RORB: variants seen among roughly 807,000 people sequenced by gnomAD.
The protein encoded by RORB is RAR related orphan receptor B.
RORB carries 6 observed loss-of-function variants against 59.1 expected under a neutral mutation model. The ratio of observed to expected loss-of-function variants is 0.10; its 90% CI spans 0.06 to 0.20. The LOEUF is 0.20. RORB is among the 10% of genes least tolerant of loss of function. The probability of loss-of-function intolerance (pLI) is 1.00; values close to 1 mark genes in which losing one functional copy is unlikely to be tolerated. For missense variants in RORB, 320 were observed against 560.5 expected (o/e 0.57, Z 4.33); for synonymous variants, 215 against 204.5 (o/e 1.05, Z -0.44).
At chr9:74,613,725 C>T (rs1823268187) in intron 1 of RORB, among the ~76,000 whole-genome samples, 1 of 152,142 alleles carries the variant, frequency 6.6e-6, no homozygotes, top group African/African-American at 2.4e-5. Context: ...TCCTCTCCAC[C>T]CCTTGCCTTT....
intron 1 of RORB, among the ~76,000 whole-genome samples, chr9:74,507,281 G>A (rs998669437): frequency 1.3e-5 from 2 of 152,018 alleles, no homozygotes; most frequent in Non-Finnish European, 2.9e-5. Flanking sequence ...ATCATACTTA[G>A]TAAACAGTAA....
intron 4 of RORB, among the ~76,000 whole-genome samples, chr9:74,658,190 A>G (rs1251690161): frequency 6.6e-6 from 1 of 152,114 alleles, no homozygotes; most frequent in African/African-American, 2.4e-5. Flanking sequence ...GGTGTGGGAC[A>G]AACAGAGGGA....
rs75813271 is a variant in RORB, at chr9:74,517,886, C to A, written c.7+19903C>A. On this transcript the variant is annotated intron_variant, in intron 1 of 9. Transcript: ENST00000376896. ...GTGAAAGGCACTGTGCTAAATACTT[C>A]ATGTGAATTACCTCAGTTAATCATC... Among the ~76,000 whole-genome samples, 96 of 152,146 alleles carry A rather than the reference C, an allele frequency of 6.3e-4. No individual in the cohort carries two copies. In the East Asian group the frequency reaches 0.017, roughly 27 times the overall value.
chr9:74,607,181 C>T (rs971408265), intron 1 of RORB, among the ~76,000 whole-genome samples: 4 of 152,196 alleles, frequency 2.6e-5, no homozygotes, highest in Non-Finnish European at 5.9e-5. Flanking sequence ...AAGTCTTCAT[C>T]ACATATGGGC....
chr9:74,654,330 A>C (rs1824043080), intron 4 of RORB, among the ~76,000 whole-genome samples: 1 of 111,448 alleles, frequency 9.0e-6, no homozygotes, highest in South Asian at 3.7e-4. Flanking sequence ...TTACAGTCTC[A>C]GGGGAGAGAG....
chr9:74,503,729 T>A (rs1394247336), intron 1 of RORB, among the ~76,000 whole-genome samples: 3 of 152,074 alleles, frequency 2.0e-5, no homozygotes. Context: ...ATTTGAAGGA[T>A]GTCTCCTTTG....
chr9:74,613,828 C>G (rs762641977), intron 1 of RORB, among the ~76,000 whole-genome samples: 11 of 152,122 alleles, frequency 7.2e-5, no homozygotes, highest in Non-Finnish European at 1.5e-4. Flanking sequence ...ATTAACAAAC[C>G]ATTTGCTTTC....
intron 1 of RORB, among the ~76,000 whole-genome samples, chr9:74,543,089 C>T (rs2118138929): frequency 6.6e-6 from 1 of 152,240 alleles, no homozygotes; most frequent in East Asian, 1.9e-4. Flanking sequence ...TCTCACAGTC[C>T]CAGATCATGA....
At chr9:74,515,659 A>G (rs1452771016) in intron 1 of RORB, among the ~76,000 whole-genome samples, 6 of 152,076 alleles carry the variant, frequency 3.9e-5, no homozygotes, top group Admixed American at 6.6e-5. Context: ...AAAACCCACC[A>G]TTCCAAAATG....
chr9:74,503,893 C>T (rs967947944), intron 1 of RORB, among the ~76,000 whole-genome samples: 2 of 152,024 alleles, frequency 1.3e-5, no homozygotes, highest in African/African-American at 4.8e-5. Context: ...CTGACCCCAT[C>T]CATTCAATTC....
At chr9:74,529,568 A>T (rs1826204885) in intron 1 of RORB, among the ~76,000 whole-genome samples, 1 of 151,822 alleles carries the variant, frequency 6.6e-6, no homozygotes, top group South Asian at 2.1e-4. Flanking sequence ...AAAATAGTAA[A>T]ATATACTATT....
chr9:74,578,855 C>T (rs1004016880), intron 1 of RORB, among the ~76,000 whole-genome samples: 3 of 152,058 alleles, frequency 2.0e-5, no homozygotes, highest in African/African-American at 7.2e-5. Context: ...TTCTGATTGC[C>T]AGTCAGGTAC....
At chr9:74,656,891 C>G (rs1033720729) in intron 4 of RORB, among the ~76,000 whole-genome samples, 1 of 152,136 alleles carries the variant, frequency 6.6e-6, no homozygotes. Context: ...CTCAGACATC[C>G]CTACTTCAGT....
In RORB at chr9:74,642,822, G is replaced by A. The variant is rs1441537636; in HGVS notation, c.637+7G>A. The A allele has an allele frequency of 5.1e-6, 8 of 1,573,106 alleles. No homozygotes were observed. The highest frequency in any genetic ancestry group is 6.9e-6 in the Non-Finnish European group (8 of 1,155,446). On this transcript the variant is annotated splice_region_variant and intron_variant, in intron 4 of 9. Coordinates refer to ENST00000376896, the MANE Select transcript of RORB (RefSeq NM_006914.4). ...ATAACCATGACTGAAATCGGTAAGT[G>A]GAAGTCTCCTCCCAGTGGCTTTTTT... is the stretch of plus-strand genomic sequence containing the variant.
In RORB at chr9:74,617,028, T is replaced by C. The variant is rs1341296716; in HGVS notation, c.8-13254T>C. 4.6e-5 allele frequency among the ~76,000 whole-genome samples: 7 copies of C among 151,890 alleles called. No homozygotes were observed. The South Asian group carries it at 6.2e-4, about 13-fold the overall frequency. On this transcript the variant is annotated intron_variant, in intron 1 of 9. Transcript: ENST00000376896. ...GTTCCTACGGTAGAATACCTGGTGC[T>C]AGGCTTAGTAATTCCTAGTTTTCAG... is the stretch of plus-strand genomic sequence containing the variant.
intron 1 of RORB, among the ~76,000 whole-genome samples, chr9:74,547,121 GT>G (rs766447859): frequency 2.0e-5 from 3 of 151,842 alleles, no homozygotes; most frequent in African/African-American, 4.8e-5. Flanking sequence ...GATTGTTTTG[GT>G]TTTTTTTGTT....
intron 1 of RORB, among the ~76,000 whole-genome samples, chr9:74,567,068 C>A (rs550479587): frequency 1.3e-5 from 2 of 151,980 alleles, no homozygotes; most frequent in South Asian, 4.2e-4. Flanking sequence ...CGCTCTGTCG[C>A]CCAGGCTGGA....
intron 8 of RORB, among the ~76,000 whole-genome samples, chr9:74,669,474 T>A (rs1824316129): frequency 8.0e-6 from 1 of 124,816 alleles, no homozygotes. Flanking sequence ...ACCGAAACTC[T>A]GTCTCAAAAA....
rs1394652932 is a variant in RORB, at chr9:74,497,882, CCTT to C, written c.-90_-88del. 1 of 1,488,002 alleles carries C rather than the reference CCTT, an allele frequency of 6.7e-7. No individual in the cohort carries two copies. The highest frequency in any genetic ancestry group is 9.2e-7 in the Non-Finnish European group (1 of 1,081,706). 92.2% of individuals were successfully genotyped at this position (1,488,002 alleles called of 1,614,324 possible). A position where few individuals can be genotyped will look rare whatever the true frequency, so the allele number is the denominator to read the frequency against. The stretch of plus-strand genomic sequence containing the variant: ...CGGCAGAGCAGCTCTTCGCCGACCA[CCTT>C]CTTCACTCGTGCTGAGCGGGATTTT... On this transcript the variant is annotated 5_prime_UTR_variant, in exon 1 of 10. Coordinates refer to ENST00000376896, the MANE Select transcript of RORB (RefSeq NM_006914.4).
Sources: gnomAD v4.1 joint callset for allele counts (sites outside exome capture counted in the v4.1 genomes callset) on GRCh38, gnomAD v4.1.1 for gene constraint, MANE v1.5 for transcripts, NCBI Gene and HGNC (gene_info 2026-07-23, HGNC 2026-07-21) for gene names.